ZC3H6: variants seen among roughly 807,000 people sequenced by gnomAD.
The protein encoded by ZC3H6 is zinc finger CCCH-type containing 6.
Under a neutral mutation model 107.7 loss-of-function variants are expected in ZC3H6, and 40 were observed. The ratio of observed to expected loss-of-function variants is 0.37; its 90% CI spans 0.29 to 0.48. The LOEUF (loss-of-function observed/expected upper bound fraction) is 0.48. Ranked by LOEUF, ZC3H6 falls within the 20% of genes least tolerant of loss-of-function variation. ZC3H6 has a pLI of 0.98. For synonymous variants in ZC3H6, 493 were observed against 487.9 expected, an observed-to-expected ratio of 1.01 and a Z score of -0.14; for missense variants, 1,267 against 1,410.4, an observed-to-expected ratio of 0.90 and a Z score of 1.63.
At chr2:112,296,182 A>G (rs1045231125) in intron 1 of ZC3H6, among the ~76,000 whole-genome samples, 2 of 152,156 alleles carry the variant, frequency 1.3e-5, no homozygotes, top group African/African-American at 4.8e-5. Context: ...AGTTTCCTTA[A>G]TACCCCTTTT....
At chr2:112,321,892 A>T (rs1280640912) in intron 8 of ZC3H6, 27 bp downstream of exon 8, 2 of 1,052,536 alleles carry the variant, frequency 1.9e-6, no homozygotes, top group African/African-American at 3.3e-5. Context: ...TACCTTGATT[A>T]TGTCTCTCCA....
chr2:112,294,456 A>G (rs776059232), intron 1 of ZC3H6, among the ~76,000 whole-genome samples: 12 of 152,242 alleles, frequency 7.9e-5, no homozygotes, highest in Admixed American at 2.0e-4. Context: ...GTCACTTGGC[A>G]CATTCTGAAG....
chr2:112,331,806 C>G lies in ZC3H6; in HGVS notation c.2888C>G (p.Pro963Arg), dbSNP rs781428092. The G allele has an allele frequency of 5.0e-6, 8 of 1,613,572 alleles. No individual in the cohort carries two copies. The highest frequency in any genetic ancestry group is 6.8e-6 in the Non-Finnish European group (8 of 1,179,840). The change falls in exon 12 of 12, where the codon CCT (proline) becomes CGT (arginine). Residue 963 changes from proline (P) to arginine (R), a missense_variant. Around this residue, in one of 3 missense-constraint regions of ZC3H6, gnomAD observed 925 missense variants for 1,025.7 expected, o/e 0.90. Coordinates refer to ENST00000409871, the MANE Select transcript of ZC3H6 (RefSeq NM_198581.3). ...SHGSGAKLGDPRLQKNFDPRL... is the reference protein window; with the variant it reads ...SHGSGAKLGDRRLQKNFDPRL... The stretch of plus-strand genomic sequence containing the variant: ...GGTTCAGGAGCTAAATTAGGAGATC[C>G]TAGACTACAAAAAAATTTTGATCCT...
intron 1 of ZC3H6, among the ~76,000 whole-genome samples, chr2:112,299,194 G>A (rs1424453778): frequency 2.0e-5 from 3 of 151,332 alleles, no homozygotes; most frequent in Non-Finnish European, 4.4e-5. Context: ...GTAGAATGGC[G>A]TGAACCCGGG....
intron 1 of ZC3H6, among the ~76,000 whole-genome samples, chr2:112,287,798 T>C (rs1235423405): frequency 6.6e-6 from 1 of 152,214 alleles, no homozygotes; most frequent in Non-Finnish European, 1.5e-5. Context: ...GAGACAGGGT[T>C]TCACTGTGTT....
intron 1 of ZC3H6, among the ~76,000 whole-genome samples, chr2:112,289,767 C>T (rs954297398): frequency 7.2e-6 from 1 of 139,558 alleles, no homozygotes; most frequent in African/African-American, 2.8e-5. Context: ...GTTTTTGAGA[C>T]AGGGTCTCTG....
At chr2:112,326,495 C>G (rs930296779) in intron 11 of ZC3H6, among the ~76,000 whole-genome samples, 5 of 152,146 alleles carry the variant, frequency 3.3e-5, no homozygotes, top group South Asian at 4.1e-4. Flanking sequence ...GCTTATTTCA[C>G]TTAACATAAT....
intron 5 of ZC3H6, among the ~76,000 whole-genome samples, 153 bp from the exon 6 acceptor site, chr2:112,316,317 A>C (rs1193289581): frequency 1.3e-5 from 2 of 152,110 alleles, no homozygotes; most frequent in African/African-American, 4.8e-5. Flanking sequence ...CTAGACACAT[A>C]TCTCTCTCCA....
Position 112,331,176 on chromosome 2 carries a change from A to T in ZC3H6, c.2258A>T (p.Asn753Ile), listed in dbSNP as rs1256214472. 6.2e-7 allele frequency: 1 copy of T among 1,613,716 alleles called. No homozygotes were observed. The highest frequency in any genetic ancestry group is 8.5e-7 in the Non-Finnish European group (1 of 1,179,794). Residue 753 changes from asparagine (N) to isoleucine (I), a missense_variant, in exon 12 of 12, where the codon AAC becomes ATC. Physicochemically the swap from Asn to Ile is moderately radical, Grantham distance 149 (BLOSUM62 -3). Transcript: ENST00000409871. The stretch of plus-strand genomic sequence containing the variant: ...CTTGCTAAAGAGAAAAGTAAAGGAA[A>T]CCAAGTGGTTGACCCTAGGCTTAGG... ...PRLAKEKSKG[N>I]QVVDPRLRTI...
intron 1 of ZC3H6, among the ~76,000 whole-genome samples, chr2:112,288,012 A>C (rs1686642389): frequency 6.6e-6 from 1 of 152,232 alleles, no homozygotes; most frequent in Admixed American, 6.5e-5. Flanking sequence ...AATCATCATT[A>C]ACATCTGTTG....
At chr2:112,295,580 C>T (rs10167203) in intron 1 of ZC3H6, among the ~76,000 whole-genome samples, 3,751 of 152,228 alleles carry the variant, frequency 0.025, 130 homozygotes, top group African/African-American at 0.071. Context: ...CATTATACCA[C>T]ACATGCTTTC....
chr2:112,318,621 A>G (rs557016836), intron 7 of ZC3H6, among the ~76,000 whole-genome samples: 9 of 152,212 alleles, frequency 5.9e-5, no homozygotes, highest in Non-Finnish European at 1.3e-4. Flanking sequence ...AAAAATCGTG[A>G]CAGTGAAGTT....
At chr2:112,292,961 C>G (rs1317627458) in intron 1 of ZC3H6, among the ~76,000 whole-genome samples, 1 of 152,010 alleles carries the variant, frequency 6.6e-6, no homozygotes, top group Non-Finnish European at 1.5e-5. Flanking sequence ...CTCCAGTATA[C>G]CTGGAGTTAT....
At chr2:112,322,237 C>A (rs1018058227) in intron 8 of ZC3H6, among the ~76,000 whole-genome samples, 26 of 150,458 alleles carry the variant, frequency 1.7e-4, no homozygotes, top group African/African-American at 6.1e-4. Flanking sequence ...TTTCTTTTGG[C>A]AAGGTCTCGC....
intron 3 of ZC3H6, among the ~76,000 whole-genome samples, chr2:112,307,143 G>C (rs1676491472): frequency 6.6e-6 from 1 of 152,056 alleles, no homozygotes; most frequent in Admixed American, 6.5e-5. Context: ...ATATATTTTA[G>C]AGTTGACTCA....
chr2:112,331,480 A>T lies in ZC3H6; in HGVS notation c.2562A>T (p.Ser854=), dbSNP rs751019903. ...SPGIMLQDPR[S]QLRQFSHIKM... is the part of the protein sequence containing the mutation. ...GCATAATGCTCCAGGATCCAAGGTC[A>T]CAATTGAGACAGTTCAGTCACATTA... The change falls in exon 12 of 12, where the codon TCA becomes TCT. Residue 854 remains serine (S), a synonymous_variant. Transcript: ENST00000409871. 5.0e-6 allele frequency: 8 copies of T among 1,613,878 alleles called. No homozygotes were observed. The highest frequency in any genetic ancestry group is 6.8e-6 in the Non-Finnish European group (8 of 1,179,906).
chr2:112,290,136 T>C (rs555639221), intron 1 of ZC3H6, among the ~76,000 whole-genome samples: 1 of 152,348 alleles, frequency 6.6e-6, no homozygotes, highest in South Asian at 2.1e-4. Context: ...CTATAGTGTC[T>C]TATAACTCCA....
chr2:112,282,930 T>C (rs1209279885), intron 1 of ZC3H6, among the ~76,000 whole-genome samples: 4 of 152,234 alleles, frequency 2.6e-5, no homozygotes, highest in African/African-American at 9.6e-5. Flanking sequence ...TTGATGCTTA[T>C]ATGATAGTGT....
rs1449133642 is a variant in ZC3H6, at chr2:112,332,348, C to A, written c.3430C>A (p.Gln1144Lys). The A allele has an allele frequency of 6.2e-7, 1 of 1,613,762 alleles. No homozygotes were observed. The highest frequency in any genetic ancestry group is 8.5e-7 in the Non-Finnish European group (1 of 1,179,846). Residue 1144 changes from glutamine (Q) to lysine (K), a missense_variant, in exon 12 of 12, where the codon CAG becomes AAG. Coordinates refer to ENST00000409871, the MANE Select transcript of ZC3H6 (RefSeq NM_198581.3). ...VQALTGLIRPQYSDPRQARQP... is the reference protein window; with the variant it reads ...VQALTGLIRPKYSDPRQARQP... ...GGCATTAACAGGCTTAATTAGGCCA[C>A]AGTACAGTGATCCAAGGCAGGCAAG...
Sources: gnomAD v4.1 joint callset for allele counts (sites outside exome capture counted in the v4.1 genomes callset) on GRCh38, gnomAD v4.1.1 for gene constraint, gnomAD v4.1.1 regional missense constraint, MANE v1.5 for transcripts, NCBI Gene and HGNC (gene_info 2026-07-23, HGNC 2026-07-21) for gene names.